Variants in CPAMD8 observed in about 807,000 individuals in gnomAD.
CPAMD8 encodes C3 and PZP like alpha-2-macroglobulin domain containing 8.
Under a neutral mutation model 224.7 loss-of-function variants are expected in CPAMD8, and 146 were observed. The observed-to-expected ratio is 0.65, with a 90% CI of 0.57 to 0.75. The LOEUF is 0.75. CPAMD8 is among the 30% of genes least tolerant of loss of function. The pLI is 0.00. For synonymous variants in CPAMD8, 966 were observed against 1,044.6 expected (o/e 0.92, Z 1.45); for missense variants, 2,301 against 2,537.5 (o/e 0.91, Z 2.00).
chr19:16,983,615 G>A (rs2055593388), intron 13 of CPAMD8, among the ~76,000 whole-genome samples: 1 of 152,056 alleles, frequency 6.6e-6, no homozygotes, highest in Non-Finnish European at 1.5e-5. Context: ...AAAATTTTCA[G>A]ATTGGAGGAG....
chr19:16,955,868 G>A (rs1310105488), intron 19 of CPAMD8, among the ~76,000 whole-genome samples: 1 of 152,068 alleles, frequency 6.6e-6, no homozygotes, highest in Admixed American at 6.5e-5. Context: ...TTAGAGATGG[G>A]GCCTTGCTAT....
At position 17,002,205 on chromosome 19, in the gene CPAMD8, C is replaced by T. The variant is rs10401948; in HGVS notation, c.758+61G>A. 6.1e-3 allele frequency: 6,742 copies of T among 1,105,624 alleles called. 250 individuals carry two copies. In the African/African-American group the frequency reaches 0.084, roughly 14 times the overall value. 68.5% of individuals were successfully genotyped at this position (1,105,624 alleles called of 1,614,324 possible). A position where few individuals can be genotyped will look rare whatever the true frequency, so the allele number is the denominator to read the frequency against. On this transcript the variant is annotated intron_variant, in intron 9 of 41. Transcript: ENST00000443236. ...GAGGGGAACGACCTTGAGGGAGCAG[C>T]GTGATGGTTGGGGAAGGGGAAGGGC...
intron 20 of CPAMD8, among the ~76,000 whole-genome samples, chr19:16,950,274 G>A (rs550565702): frequency 6.6e-5 from 10 of 152,084 alleles, no homozygotes; most frequent in South Asian, 4.2e-4. Flanking sequence ...CTCCAGCCTG[G>A]GTGACAGAGC....
chr19:16,894,506 C>T (rs544947582), intron 41 of CPAMD8: 14 of 455,888 alleles, frequency 3.1e-5, no homozygotes, highest in Non-Finnish European at 6.2e-5. Flanking sequence ...ACACCCCTTT[C>T]CTGAACCCAA....
chr19:16,954,620 G>C (rs902351358), intron 19 of CPAMD8, among the ~76,000 whole-genome samples: 1 of 152,174 alleles, frequency 6.6e-6, no homozygotes, highest in African/African-American at 2.4e-5. Context: ...AGCAACTCAA[G>C]GGTCCATCGA....
At chr19:16,995,041 C>T (rs1237674124) in intron 11 of CPAMD8, among the ~76,000 whole-genome samples, 1 of 152,184 alleles carries the variant, frequency 6.6e-6, no homozygotes, top group Non-Finnish European at 1.5e-5. Flanking sequence ...AAATTTGTAG[C>T]CTTAAACCTC....
rs1201646244 is a variant in CPAMD8 at position 16,898,978 on chromosome 19, T to C, written c.4848+497A>G. ...CTCTGTCACCCAAGCTGGAGTGCAG[T>C]GGCACAATCTCAGGTCACCACAACC... On this transcript the variant is annotated intron_variant, in intron 37 of 41. Transcript: ENST00000443236. This position sits in a 1 kb window ranked among gnomAD's most constrained non-coding sequence, Gnocchi z 4.2. Among the ~76,000 whole-genome samples the C allele has an allele frequency of 6.6e-6, 1 of 152,112 alleles. No individual in the cohort carries two copies. The highest frequency in any genetic ancestry group is 1.5e-5 in the Non-Finnish European group (1 of 68,028).
Position 16,896,255 on chromosome 19 carries a change from G to A in CPAMD8, c.5347C>T (p.Gln1783Ter), listed in dbSNP as rs1198660139. The change falls in exon 41 of 42, where the codon CAG (glutamine) becomes TAG (stop). Residue 1783 changes from glutamine to a stop codon, truncating the protein, a stop_gained. Coordinates refer to ENST00000443236, the MANE Select transcript of CPAMD8 (RefSeq NM_015692.5). LOFTEE classifies it high-confidence loss of function. ...GCTCCATTCAGCTTCACGTCCTGCT[G>A]TAAAGGCCCCGGGGCCACAGAAGCC... ...DLASVAPGPLQQDVKLNGAGL... is the reference protein window; with the variant it reads ...DLASVAPGPL 3 of 1,613,480 alleles carry A rather than the reference G, an allele frequency of 1.9e-6. No homozygotes were observed. Among genetic ancestry groups the A allele is most frequent in the Non-Finnish European group, 2.5e-6 (3 of 1,180,004 alleles).
Position 16,925,385 on chromosome 19 carries a change from A to T in CPAMD8, c.3371-13T>A, listed in dbSNP as rs117304670. ...CCCATGACGTCCCCTGGTGGGAAGG[A>T]GAAGAGAGTTGAGTTGGGGGCTGTC... On this transcript the variant is annotated splice_polypyrimidine_tract_variant and intron_variant, in intron 25 of 41. Coordinates refer to ENST00000443236, the MANE Select transcript of CPAMD8 (RefSeq NM_015692.5). 0.022 allele frequency: 35,408 copies of T among 1,609,716 alleles called. 491 individuals carry two copies. Among genetic ancestry groups the T allele is most frequent in the Non-Finnish European group, 0.025 (29,393 of 1,176,364 alleles).
chr19:16,906,563 C>A (rs1208926102), intron 30 of CPAMD8, among the ~76,000 whole-genome samples: 1 of 150,282 alleles, frequency 6.7e-6, no homozygotes, highest in African/African-American at 2.5e-5. Context: ...GCCACCACAC[C>A]CAGCTAATTT....
intron 19 of CPAMD8, among the ~76,000 whole-genome samples, chr19:16,954,191 G>A (rs552557951): frequency 1.1e-4 from 17 of 152,230 alleles, no homozygotes; most frequent in African/African-American, 4.1e-4. Context: ...AAATTAGCCA[G>A]GTGTGGTGGT....
chr19:16,969,110 A>G (rs949286435), intron 18 of CPAMD8, among the ~76,000 whole-genome samples: 4 of 152,208 alleles, frequency 2.6e-5, no homozygotes, highest in Admixed American at 1.3e-4. Flanking sequence ...GAGAGTTGGG[A>G]GATCAAGCCC....
rs761455329 is a variant in CPAMD8 at position 16,896,275 on chromosome 19, G to C, written c.5327C>G (p.Ser1776Cys). The change falls in exon 41 of 42, where the codon TCT becomes TGT. Residue 1776 changes from serine (S) to cysteine (C), a missense_variant. Physicochemically the swap from Ser to Cys is moderately radical, Grantham distance 112 (BLOSUM62 -1). This residue lies in a region of CPAMD8 where 1,709 missense variants were observed against 1,753.2 expected (regional missense o/e 0.97). Coordinates refer to ENST00000443236, the MANE Select transcript of CPAMD8 (RefSeq NM_015692.5). ...CTGCTGTAAAGGCCCCGGGGCCACA[G>C]AAGCCAGGTCATCCCCGTAGGTGGA... ...SSSTYGDDLA[S>C]VAPGPLQQDV... is the part of the protein sequence containing the mutation. 6.2e-7 allele frequency: 1 copy of C among 1,613,342 alleles called. No individual in the cohort carries two copies. The highest frequency in any genetic ancestry group is 8.5e-7 in the Non-Finnish European group (1 of 1,179,992).
intron 3 of CPAMD8, among the ~76,000 whole-genome samples, chr19:17,019,953 C>CTTTTTTTTTTTTCTTTTCTTTT (rs1568611158): frequency 2.0e-4 from 25 of 123,264 alleles, no homozygotes; most frequent in Non-Finnish European, 2.2e-4. Context: ...CAATTCAATT[C>CTTTTTTTTTTTTCTTTTCTTTT]TTTTTTTTTT....
chr19:16,971,589 G>A lies in CPAMD8; in HGVS notation c.2071-556C>T, dbSNP rs114303688. Reference sequence around the variant, plus strand: ...CAACTGGTGACTGCCAGGGGCTGAGGGAGGGGAAATGGGGAGTAATTGCTA... The same window carrying A: ...CAACTGGTGACTGCCAGGGGCTGAGAGAGGGGAAATGGGGAGTAATTGCTA... On this transcript the variant is annotated intron_variant, in intron 17 of 41. Coordinates refer to ENST00000443236, the MANE Select transcript of CPAMD8 (RefSeq NM_015692.5). Among the ~76,000 whole-genome samples, 1,229 of 152,270 alleles carry A rather than the reference G, an allele frequency of 8.1e-3. 25 individuals carry two copies. The highest frequency in any genetic ancestry group is 0.028 in the African/African-American group (1,145 of 41,538).
intron 22 of CPAMD8, among the ~76,000 whole-genome samples, chr19:16,942,582 G>A (rs2053937481): frequency 6.6e-6 from 1 of 152,186 alleles, no homozygotes; most frequent in Non-Finnish European, 1.5e-5. Flanking sequence ...GCTGACCATT[G>A]GCTGGGGCCC....
At chr19:16,931,884 T>A (rs934466840) in intron 23 of CPAMD8, among the ~76,000 whole-genome samples, 12 of 152,178 alleles carry the variant, frequency 7.9e-5, no homozygotes, top group Non-Finnish European at 1.6e-4. Context: ...ACATTCAGAA[T>A]CAATCTAAAT....
chr19:16,893,320 GC>G lies in CPAMD8; in HGVS notation c.5445del (p.Pro1816LeufsTer3). ...EAEDRVTAGP[R>X]PPVSSGNLES... is the part of the protein sequence containing the mutation. ...TCCAGGTTCCCGCTGCTCACAGGAGGCCGAGGCCCGGCTGTGACCCTGGAGA... is the reference window on the plus strand; with the variant it reads ...TCCAGGTTCCCGCTGCTCACAGGAGGCGAGGCCCGGCTGTGACCCTGGAGA... On this transcript the variant is annotated frameshift_variant, in exon 42 of 42. Coordinates refer to ENST00000443236, the MANE Select transcript of CPAMD8 (RefSeq NM_015692.5). LOFTEE classifies it low-confidence loss of function (END_TRUNC). The G allele has an allele frequency of 6.5e-7, 1 of 1,538,476 alleles. No individual in the cohort carries two copies. The highest frequency in any genetic ancestry group is 2.4e-5 in the East Asian group (1 of 41,088).
At position 17,020,197 on chromosome 19, in the gene CPAMD8, C is replaced by A. The variant is rs915098614; in HGVS notation, c.267+134G>T. On this transcript the variant is annotated intron_variant, in intron 3 of 41. Coordinates refer to ENST00000443236, the MANE Select transcript of CPAMD8 (RefSeq NM_015692.5). ...CCATGTTGCCCAGGCTGATCTCGAACTCCTGACCTCAGGTGATCCACCCAC... is the reference window on the plus strand; with the variant it reads ...CCATGTTGCCCAGGCTGATCTCGAAATCCTGACCTCAGGTGATCCACCCAC... The A allele has an allele frequency of 4.3e-6, 3 of 696,150 alleles. No homozygotes were observed. In the Admixed American group the frequency reaches 6.7e-5, roughly 15 times the overall value. 43.1% of individuals were successfully genotyped at this position (696,150 alleles called of 1,614,324 possible). A position where few individuals can be genotyped will look rare whatever the true frequency, so the allele number is the denominator to read the frequency against.
Sources: allele counts gnomAD v4.1 joint callset (sites outside exome capture counted in the v4.1 genomes callset), GRCh38; gene constraint gnomAD v4.1.1; regional missense constraint gnomAD v4.1.1; non-coding constraint Gnocchi (gnomAD v3.1); transcripts MANE v1.5; gene names NCBI Gene and HGNC (gene_info 2026-07-23, HGNC 2026-07-21).